The following ROBO1 variants were observed in gnomAD, a reference collection of about 807,000 sequenced individuals.
ROBO1 encodes the protein roundabout guidance receptor 1, also known as roundabout homolog 1.
A neutral mutation model predicts 195.9 loss-of-function variants in ROBO1; 149 were observed. That is an observed-to-expected ratio of 0.76 (90% CI 0.67 to 0.87). ROBO1 has a LOEUF of 0.87. Ranked by LOEUF, ROBO1 falls within the 40% of genes least tolerant of loss-of-function variation. The probability of loss-of-function intolerance (pLI) is 0.00; values close to 1 mark genes in which losing one functional copy is unlikely to be tolerated. For synonymous variants in ROBO1, 816 were observed against 733.2 expected, an observed-to-expected ratio of 1.11 and a Z score of -1.82; for missense variants, 1,933 against 2,068.3, an observed-to-expected ratio of 0.93 and a Z score of 1.27.
chr3:78,640,883 T>C (rs963707057), intron 21 of ROBO1, among the ~76,000 whole-genome samples: 2 of 152,154 alleles, frequency 1.3e-5, no homozygotes, highest in South Asian at 2.1e-4. Flanking sequence ...ATGTTTCTTA[T>C]TTACCTGGGA....
chr3:79,071,325 C>T (rs1268473595), intron 3 of ROBO1, among the ~76,000 whole-genome samples: 1 of 151,638 alleles, frequency 6.6e-6, no homozygotes, highest in Non-Finnish European at 1.5e-5. Flanking sequence ...CTTCATCCTT[C>T]CTTATTTATC....
chr3:79,717,972 G>T (rs1410055025), intron 1 of ROBO1, among the ~76,000 whole-genome samples: 5 of 151,932 alleles, frequency 3.3e-5, no homozygotes, highest in African/African-American at 7.2e-5. Flanking sequence ...CATGATCCTT[G>T]GAAGGATAAA....
intron 3 of ROBO1, among the ~76,000 whole-genome samples, chr3:78,997,097 T>C (rs1351995156): frequency 2.0e-5 from 3 of 152,180 alleles, no homozygotes; most frequent in African/African-American, 4.8e-5. Flanking sequence ...CTACAATGCA[T>C]AGGACAGCCT....
rs570341058 is a variant in ROBO1, at chr3:78,635,828, T to G, written c.3318A>C (p.Lys1106Asn). 5 of 1,613,868 alleles carry G rather than the reference T, an allele frequency of 3.1e-6. No homozygotes were observed. The South Asian group carries it at 4.4e-5, about 14-fold the overall frequency. Residue 1106 changes from lysine to asparagine, a missense_variant, in exon 23 of 31, where the codon AAA becomes AAC. This residue lies in a region of ROBO1 where 1,737 missense variants were observed against 1,882.5 expected (regional missense o/e 0.92). Coordinates refer to ENST00000464233, the MANE Select transcript of ROBO1 (RefSeq NM_002941.4). Reference sequence around the variant, plus strand: ...TGTACTGAACTGGTGCCACTTCTTGTTTCTGCTGTCCCAGTGGTTTCCAGT... The same window carrying G: ...TGTACTGAACTGGTGCCACTTCTTGGTTCTGCTGTCCCAGTGGTTTCCAGT... The part of the protein sequence containing the change: ...EKHWKPLGQQ[K>N]QEVAPVQYNI...
chr3:79,014,747 C>T (rs2077880384), intron 3 of ROBO1, among the ~76,000 whole-genome samples: 1 of 152,136 alleles, frequency 6.6e-6, no homozygotes, highest in Non-Finnish European at 1.5e-5. Context: ...CTTATATTTT[C>T]CTATATGAAA....
intron 4 of ROBO1, among the ~76,000 whole-genome samples, chr3:78,820,859 C>A (rs1387473962): frequency 6.6e-6 from 1 of 152,132 alleles, no homozygotes; most frequent in Non-Finnish European, 1.5e-5. Flanking sequence ...GAGATTTGTT[C>A]TAGCACCCTT....
intron 2 of ROBO1, among the ~76,000 whole-genome samples, chr3:79,544,857 G>T (rs1201024544): frequency 1.3e-5 from 2 of 151,982 alleles, no homozygotes; most frequent in African/African-American, 4.8e-5. Flanking sequence ...AAATTGTATT[G>T]TTATTTGACA....
chr3:78,695,067 G>C (rs544234283), intron 8 of ROBO1, among the ~76,000 whole-genome samples: 2 of 142,610 alleles, frequency 1.4e-5, no homozygotes, highest in Non-Finnish European at 3.0e-5. Context: ...TCAACCCATA[G>C]GAGTAGAATT....
chr3:79,476,944 A>G (rs1289120066), intron 2 of ROBO1, among the ~76,000 whole-genome samples: 1 of 152,086 alleles, frequency 6.6e-6, no homozygotes, highest in South Asian at 2.1e-4. Flanking sequence ...ATAATTTTTT[A>G]AGTTGAAGAA....
chr3:78,889,660 C>T (rs979481086), intron 4 of ROBO1, among the ~76,000 whole-genome samples: 3 of 145,920 alleles, frequency 2.1e-5, no homozygotes, highest in African/African-American at 7.6e-5. Context: ...CTATGTGTTC[C>T]TAACAGCACA....
At chr3:78,909,345 G>A (rs2038110991) in intron 4 of ROBO1, among the ~76,000 whole-genome samples, 1 of 151,710 alleles carries the variant, frequency 6.6e-6, no homozygotes, top group South Asian at 2.1e-4. Context: ...CAAGTATTAT[G>A]TCATAATTTT....
At chr3:78,808,092 TA>T (rs1197672211) in intron 4 of ROBO1, among the ~76,000 whole-genome samples, 2 of 152,310 alleles carry the variant, frequency 1.3e-5, no homozygotes, top group South Asian at 2.1e-4. Context: ...AAATTTGTTA[TA>T]AAAAATAACT....
chr3:78,743,378 C>A (rs1373866499), intron 5 of ROBO1, among the ~76,000 whole-genome samples: 2 of 152,110 alleles, frequency 1.3e-5, no homozygotes, highest in African/African-American at 4.8e-5. Flanking sequence ...ACCGACACCT[C>A]CTTCAAATCG....
chr3:78,970,100 C>T (rs536688605), intron 3 of ROBO1, among the ~76,000 whole-genome samples: 1 of 152,076 alleles, frequency 6.6e-6, no homozygotes, highest in African/African-American at 2.4e-5. Context: ...GAGCCAAAGA[C>T]TCATTAAAGG....
intron 1 of ROBO1, among the ~76,000 whole-genome samples, chr3:79,707,481 A>G (rs1377978401): frequency 6.6e-6 from 1 of 152,032 alleles, no homozygotes; most frequent in African/African-American, 2.4e-5. Flanking sequence ...GATTCCCTAC[A>G]TATCACGTTT....
chr3:78,666,138 C>T (rs571214044), intron 14 of ROBO1, among the ~76,000 whole-genome samples: 2 of 152,156 alleles, frequency 1.3e-5, no homozygotes, highest in South Asian at 4.2e-4. Context: ...TGAACCGGGA[C>T]GTGTTTCTTT....
intron 2 of ROBO1, among the ~76,000 whole-genome samples, chr3:79,139,895 G>A (rs1291377553): frequency 1.3e-5 from 2 of 152,120 alleles, no homozygotes; most frequent in African/African-American, 4.8e-5. Context: ...AATGGTGCTT[G>A]AAGTTAGTTA....
At chr3:78,658,561 C>T (rs757122697) in intron 17 of ROBO1, among the ~76,000 whole-genome samples, 33 of 152,184 alleles carry the variant, frequency 2.2e-4, no homozygotes, top group Non-Finnish European at 3.7e-4. Context: ...GGATTACAGG[C>T]GTGAGCCACA....
At chr3:79,020,391 C>T (rs1279185388) in intron 3 of ROBO1, among the ~76,000 whole-genome samples, 2 of 152,146 alleles carry the variant, frequency 1.3e-5, no homozygotes, top group Non-Finnish European at 2.9e-5. Context: ...TTCTTTCTTT[C>T]TTTTAAATAG....
Sources: gnomAD v4.1 joint callset for allele counts (sites outside exome capture counted in the v4.1 genomes callset) on GRCh38, gnomAD v4.1.1 for gene constraint, gnomAD v4.1.1 regional missense constraint, MANE v1.5 for transcripts, NCBI Gene and HGNC (gene_info 2026-07-23, HGNC 2026-07-21) for gene names.